Variants in COL5A2 observed in about 807,000 individuals in gnomAD.
COL5A2 encodes collagen type V alpha 2 chain, also known as collagen alpha-2(V) chain.
In COL5A2, 23 loss-of-function variants were observed where a neutral mutation model predicts 208.2. The observed-to-expected ratio is 0.11, with a 90% CI of 0.08 to 0.16. The LOEUF is 0.16. Ranked by LOEUF, COL5A2 falls within the 10% of genes least tolerant of loss-of-function variation. The pLI is 1.00. For missense variants in COL5A2, 1,590 were observed against 1,956.4 expected (o/e 0.81, Z 3.53); for synonymous variants, 625 against 628.5 (o/e 0.99, Z 0.08).
the COL5A2 span, among the ~76,000 whole-genome samples, chr2:189,382,324 C>T: frequency 6.6e-6 from 1 of 152,000 alleles, no homozygotes; most frequent in African/African-American, 2.4e-5. Flanking sequence ...TGCCGCTACA[C>T]TCCAGCCTGG....
chr2:189,380,405 T>A, the COL5A2 span, among the ~76,000 whole-genome samples: 2 of 151,834 alleles, frequency 1.3e-5, no homozygotes, highest in African/African-American at 2.4e-5. Flanking sequence ...TATAAAAATG[T>A]AAAGCTAAAA....
chr2:189,256,504 G>A, the COL5A2 span, among the ~76,000 whole-genome samples: 4,941 of 152,228 alleles, frequency 0.032, 85 homozygotes, highest in Admixed American at 0.047. Flanking sequence ...GAAAGCACCT[G>A]ACCTTGGAGA....
intron 1 of COL5A2, among the ~76,000 whole-genome samples, chr2:189,194,311 T>G (rs984821831): frequency 6.6e-6 from 1 of 152,206 alleles, no homozygotes; most frequent in Non-Finnish European, 1.5e-5. Flanking sequence ...CTCTCACTCG[T>G]AGAAAAGGGC....
the COL5A2 span, among the ~76,000 whole-genome samples, chr2:189,404,475 T>C: frequency 6.6e-6 from 1 of 152,176 alleles, no homozygotes; most frequent in Non-Finnish European, 1.5e-5. Context: ...TTCCTTATTC[T>C]CAGGCCTTTG....
chr2:189,291,359 G>C, the COL5A2 span, among the ~76,000 whole-genome samples: 1 of 152,034 alleles, frequency 6.6e-6, no homozygotes, highest in Admixed American at 6.6e-5. Flanking sequence ...ATCCTGGCAA[G>C]AAACAGAAAA....
chr2:189,328,792 T>C, the COL5A2 span, among the ~76,000 whole-genome samples: 5,539 of 152,316 alleles, frequency 0.036, 115 homozygotes, highest in Admixed American at 0.05. Context: ...AACTATCAGC[T>C]AGCACTGAAA....
chr2:189,426,613 A>G, the COL5A2 span, among the ~76,000 whole-genome samples: 1 of 152,224 alleles, frequency 6.6e-6, no homozygotes, highest in Non-Finnish European at 1.5e-5. Flanking sequence ...CGTCATGAGC[A>G]TGTGTCCTCA....
chr2:189,357,562 C>A, the COL5A2 span, among the ~76,000 whole-genome samples: 31 of 151,976 alleles, frequency 2.0e-4, no homozygotes, highest in Non-Finnish European at 4.4e-4. Context: ...GGACACCCCT[C>A]CCCCTACCAA....
At chr2:189,226,103 G>A (rs747164703), upstream of COL5A2, among the ~76,000 whole-genome samples, 13 of 152,034 alleles carry the variant, frequency 8.6e-5, no homozygotes, top group African/African-American at 2.2e-4. Flanking sequence ...AGTTATGTCC[G>A]GATGCAATAA....
At chr2:189,363,054 A>G in the COL5A2 span, among the ~76,000 whole-genome samples, 1 of 152,112 alleles carries the variant, frequency 6.6e-6, no homozygotes, top group Non-Finnish European at 1.5e-5. Context: ...AAAACATACT[A>G]AAAAATGTAA....
At chr2:189,412,508 T>G in the COL5A2 span, among the ~76,000 whole-genome samples, 1 of 152,342 alleles carries the variant, frequency 6.6e-6, no homozygotes, top group Non-Finnish European at 1.5e-5. Context: ...GCAAGCATAA[T>G]GCAAACCTGC....
chr2:189,419,733 C>T, the COL5A2 span, among the ~76,000 whole-genome samples: 14 of 151,648 alleles, frequency 9.2e-5, no homozygotes, highest in African/African-American at 2.9e-4. Context: ...GACTTTGAGG[C>T]TGCAGTGAGC....
chr2:189,149,615 A>T (rs1215671597), intron 1 of COL5A2, among the ~76,000 whole-genome samples: 1 of 152,208 alleles, frequency 6.6e-6, no homozygotes, highest in African/African-American at 2.4e-5. Flanking sequence ...TATAAAATTA[A>T]ATTGAACTTG....
chr2:189,281,117 C>A, the COL5A2 span, among the ~76,000 whole-genome samples: 2 of 152,000 alleles, frequency 1.3e-5, no homozygotes, highest in Admixed American at 6.6e-5. Flanking sequence ...TTCATTATAT[C>A]TCTTAATCTT....
the COL5A2 span, among the ~76,000 whole-genome samples, chr2:189,273,519 A>C: frequency 6.6e-6 from 1 of 151,718 alleles, no homozygotes; most frequent in Non-Finnish European, 1.5e-5. Context: ...AGGAAATAAA[A>C]TCAGTATGTT....
At chr2:189,273,669 G>T in the COL5A2 span, among the ~76,000 whole-genome samples, 1 of 152,128 alleles carries the variant, frequency 6.6e-6, no homozygotes, top group African/African-American at 2.4e-5. Flanking sequence ...ATACCATTCA[G>T]CCCTAAAAAG....
At chr2:189,318,593 C>G in the COL5A2 span, among the ~76,000 whole-genome samples, 1 of 152,194 alleles carries the variant, frequency 6.6e-6, no homozygotes, top group Non-Finnish European at 1.5e-5. Flanking sequence ...CCACAAACTC[C>G]TCCAATTAAT....
the COL5A2 span, among the ~76,000 whole-genome samples, chr2:189,307,957 T>C: frequency 1.1e-3 from 165 of 152,326 alleles, 1 homozygote; most frequent in African/African-American, 2.3e-3. Flanking sequence ...CTCTGTTCTA[T>C]GGAATAGCTG....
At chr2:189,391,057 A>T in the COL5A2 span, among the ~76,000 whole-genome samples, 1 of 152,198 alleles carries the variant, frequency 6.6e-6, no homozygotes, top group South Asian at 2.1e-4. Context: ...TTAAAAGGTA[A>T]GTCATTAGTC....
Sources: allele counts gnomAD v4.1 joint callset (sites outside exome capture counted in the v4.1 genomes callset), GRCh38; gene constraint gnomAD v4.1.1; transcripts MANE v1.5; gene names NCBI Gene and HGNC (gene_info 2026-07-23, HGNC 2026-07-21).